Variants in SEPTIN7 observed in about 807,000 individuals in gnomAD.
SEPTIN7 encodes septin 7.
A neutral mutation model predicts 63.3 loss-of-function variants in SEPTIN7; 10 were observed. That is an observed-to-expected ratio of 0.16 (90% CI 0.10 to 0.27). The LOEUF (loss-of-function observed/expected upper bound fraction) is 0.27. Among genes scored for constraint, SEPTIN7 ranks in the 10% least tolerant of loss-of-function variants. The pLI is 1.00. For synonymous variants in SEPTIN7, 131 were observed against 165.3 expected (o/e 0.79, Z 1.59); for missense variants, 310 against 521.0 (o/e 0.59, Z 3.94).
intron 3 of SEPTIN7, among the ~76,000 whole-genome samples, chr7:35,855,422 A>G (rs1460953046): frequency 6.6e-6 from 1 of 152,194 alleles, no homozygotes; most frequent in Non-Finnish European, 1.5e-5. Context: ...GTCAAAAGGC[A>G]TGTAGATTTA....
intron 7 of SEPTIN7, among the ~76,000 whole-genome samples, chr7:35,881,043 A>G (rs1468283591): frequency 1.7e-4 from 26 of 152,026 alleles, no homozygotes; most frequent in Admixed American, 1.3e-3. Context: ...ATATAGTCCT[A>G]TTGTAACAAA....
intron 1 of SEPTIN7, among the ~76,000 whole-genome samples, chr7:35,806,026 G>A (rs1453493203): frequency 6.6e-6 from 1 of 152,166 alleles, no homozygotes; most frequent in Non-Finnish European, 1.5e-5. Flanking sequence ...TGCTGTCATC[G>A]TGCTAAGATG....
At chr7:35,895,221 G>C (rs1207527766) in intron 11 of SEPTIN7, among the ~76,000 whole-genome samples, 1 of 152,064 alleles carries the variant, frequency 6.6e-6, no homozygotes, top group Non-Finnish European at 1.5e-5. Context: ...TAGTAAATGT[G>C]AAGATAAAAA....
chr7:35,902,292 CT>C (rs1788370772), intron 12 of SEPTIN7: 1 of 151,504 alleles, frequency 6.6e-6, no homozygotes, highest in Non-Finnish European at 1.5e-5. Flanking sequence ...ACTTAAAGCA[CT>C]TTGTTTCTGC....
chr7:35,894,507 A>G (rs553727197), intron 11 of SEPTIN7, among the ~76,000 whole-genome samples: 3 of 152,292 alleles, frequency 2.0e-5, no homozygotes, highest in African/African-American at 7.2e-5. Context: ...TTGTTTCAAA[A>G]AATTAAACTT....
Position 35,847,037 on chromosome 7 carries a change from C to A in SEPTIN7, c.169+14137C>A. On this transcript the variant is annotated intron_variant, in intron 3 of 13. Transcript: ENST00000350320. ...TTCCCATGCCAGTGCTCCAGCTGCT[C>A]AGGCTTGAAGGTATGTGAAATAATG... The A allele has an allele frequency of 2.4e-5, 4 of 167,468 alleles. No individual in the cohort carries two copies. The South Asian group carries it at 6.5e-4, about 27-fold the overall frequency. 10.4% of individuals were successfully genotyped at this position (167,468 alleles called of 1,614,324 possible).
intron 9 of SEPTIN7, 29 bp from the exon 10 acceptor site, chr7:35,885,799 A>C: frequency 6.4e-7 from 1 of 1,561,022 alleles, no homozygotes; most frequent in African/African-American, 1.3e-5. Context: ...GTGGAAATAT[A>C]ACATATGCGG....
At chr7:35,849,395 C>T (rs1015160874) in intron 3 of SEPTIN7, among the ~76,000 whole-genome samples, 1 of 152,126 alleles carries the variant, frequency 6.6e-6, no homozygotes, top group Admixed American at 6.5e-5. Flanking sequence ...CTAGATCCCT[C>T]ACATGTGCAG....
At chr7:35,831,644 T>TA (rs1783839591) in intron 2 of SEPTIN7, 148 bp downstream of exon 2, 1 of 237,160 alleles carries the variant, frequency 4.2e-6, no homozygotes, top group Non-Finnish European at 8.4e-6. Context: ...ATATTTGACT[T>TA]AAAAATGTTA....
intron 3 of SEPTIN7, among the ~76,000 whole-genome samples, chr7:35,851,549 A>T (rs1301264795): frequency 2.0e-5 from 3 of 152,146 alleles, no homozygotes; most frequent in Admixed American, 6.5e-5. Context: ...GCCAGTATAT[A>T]TATTATTCTG....
At chr7:35,804,259 A>C (rs1414295288) in intron 1 of SEPTIN7, among the ~76,000 whole-genome samples, 1 of 152,188 alleles carries the variant, frequency 6.6e-6, no homozygotes, top group Non-Finnish European at 1.5e-5. Flanking sequence ...GGTGGCTTCC[A>C]AAAGAAAAGG....
intron 3 of SEPTIN7, among the ~76,000 whole-genome samples, chr7:35,860,150 T>C (rs1398383531): frequency 1.3e-5 from 2 of 151,974 alleles, no homozygotes; most frequent in Non-Finnish European, 2.9e-5. Flanking sequence ...AAATTTTCTT[T>C]GGTTATTATA....
rs574661993 is a variant in SEPTIN7, at chr7:35,894,389, A to G, written c.998+3596A>G. On this transcript the variant is annotated intron_variant, in intron 11 of 13. Transcript: ENST00000350320. ...TCATCTTGGGAAAACTTTATAAGTG[A>G]ATGACTAAAAATACAAGTTTCAAAG... is the stretch of plus-strand genomic sequence containing the variant. 5.3e-5 allele frequency among the ~76,000 whole-genome samples: 8 copies of G among 152,268 alleles called. No individual in the cohort carries two copies. The East Asian group carries it at 1.5e-3, about 29-fold the overall frequency.
In SEPTIN7 at chr7:35,839,730, T is replaced by C. The variant is rs561689727; in HGVS notation, c.169+6830T>C. The stretch of plus-strand genomic sequence containing the variant: ...CCATCACGCTCAGCTAATTTTTGTA[T>C]TTTTAGTAGAGATGGGGTTTCACCA... On this transcript the variant is annotated intron_variant, in intron 3 of 13. Coordinates refer to ENST00000350320, the MANE Select transcript of SEPTIN7 (RefSeq NM_001788.6). 1.9e-3 allele frequency among the ~76,000 whole-genome samples: 286 copies of C among 152,256 alleles called. 1 individual carries two copies. Among genetic ancestry groups the C allele is most frequent in the Non-Finnish European group, 3.1e-3 (214 of 68,010 alleles).
At chr7:35,802,618 T>C (rs905542174) in intron 1 of SEPTIN7, among the ~76,000 whole-genome samples, 2 of 152,250 alleles carry the variant, frequency 1.3e-5, no homozygotes, top group African/African-American at 2.4e-5. Flanking sequence ...AGTCAGTTTT[T>C]CCCCCTAAAG....
At chr7:35,900,148 G>A (rs930241544) in intron 12 of SEPTIN7, 13 of 152,148 alleles carry the variant, frequency 8.5e-5, no homozygotes, top group African/African-American at 7.2e-5. Flanking sequence ...TAGAATGCAC[G>A]GAATGAGAAA....
At chr7:35,915,525 C>T in the SEPTIN7 span, among the ~76,000 whole-genome samples, 5 of 152,202 alleles carry the variant, frequency 3.3e-5, no homozygotes, top group South Asian at 2.1e-4. Context: ...GTTAATGTTA[C>T]GAAATTACAC....
chr7:35,890,881 C>T, intron 11 of SEPTIN7, 88 bp downstream of exon 11: 1 of 1,170,310 alleles, frequency 8.5e-7, no homozygotes, highest in East Asian at 3.1e-5. Context: ...CTTCTGGCTA[C>T]TCAGTAGAAA....
In SEPTIN7 at chr7:35,878,294, G is replaced by A. The variant is rs193175023; in HGVS notation, c.513-1529G>A. Among the ~76,000 whole-genome samples, 7 of 152,140 alleles carry A rather than the reference G, an allele frequency of 4.6e-5. No homozygotes were observed. In the East Asian group the frequency reaches 1.4e-3, roughly 30 times the overall value. ...GCCAAGGAGAAGGAGGATGAGAATG[G>A]AGGAGGGTGTTCCAGCTAAGGTAGT... On this transcript the variant is annotated intron_variant, in intron 6 of 13. Transcript: ENST00000350320.
Sources: gnomAD v4.1 joint callset for allele counts (sites outside exome capture counted in the v4.1 genomes callset) on GRCh38, gnomAD v4.1.1 for gene constraint, MANE v1.5 for transcripts, NCBI Gene and HGNC (gene_info 2026-07-23, HGNC 2026-07-21) for gene names.